The following CCSER1 variants were observed in gnomAD, a reference collection of about 807,000 sequenced individuals.
CCSER1 encodes coiled-coil serine rich protein 1.
A neutral mutation model predicts 82.0 loss-of-function variants in CCSER1; 41 were observed. The observed-to-expected ratio is 0.50, with a 90% CI of 0.39 to 0.65. The LOEUF (loss-of-function observed/expected upper bound fraction) is 0.65. CCSER1 is among the 30% of genes least tolerant of loss of function. The pLI, the probability that CCSER1 is intolerant of heterozygous loss-of-function variation, is 0.00. For synonymous variants in CCSER1, 414 were observed against 383.9 expected, an observed-to-expected ratio of 1.08 and a Z score of -0.92; for missense variants, 1,119 against 1,064.2, an observed-to-expected ratio of 1.05 and a Z score of -0.72.
At chr4:91,482,604 A>G (rs1331557628) in intron 10 of CCSER1, among the ~76,000 whole-genome samples, 1 of 151,986 alleles carries the variant, frequency 6.6e-6, no homozygotes, top group African/African-American at 2.4e-5. Flanking sequence ...GTATATACCC[A>G]AAGGATTATA....
chr4:90,955,151 G>T (rs776547453), intron 9 of CCSER1, among the ~76,000 whole-genome samples: 3 of 152,142 alleles, frequency 2.0e-5, no homozygotes, highest in Non-Finnish European at 4.4e-5. Context: ...ACTCAAGGAA[G>T]GCAGATTTTA....
intron 9 of CCSER1, among the ~76,000 whole-genome samples, chr4:90,973,544 C>A (rs1465480590): frequency 1.3e-5 from 2 of 151,582 alleles, no homozygotes; most frequent in African/African-American, 4.8e-5. Flanking sequence ...GAAAAAGCAA[C>A]CCTTGTACAG....
intron 10 of CCSER1, among the ~76,000 whole-genome samples, chr4:91,359,381 C>T (rs1749096248): frequency 4.6e-5 from 7 of 151,764 alleles, no homozygotes; most frequent in South Asian, 2.1e-4. Flanking sequence ...TTCCTTAAAA[C>T]AGGTACTGAG....
chr4:91,506,956 T>A (rs1453471164), intron 10 of CCSER1, among the ~76,000 whole-genome samples: 1 of 152,194 alleles, frequency 6.6e-6, no homozygotes, highest in African/African-American at 2.4e-5. Context: ...TATTGTAGCA[T>A]GTATCAATGC....
intron 5 of CCSER1, among the ~76,000 whole-genome samples, chr4:90,505,320 G>C (rs561913361): frequency 2.6e-5 from 4 of 152,148 alleles, no homozygotes; most frequent in Non-Finnish European, 4.4e-5. Context: ...GAAGCCTTAC[G>C]GCCACTTCCC....
intron 1 of CCSER1, among the ~76,000 whole-genome samples, chr4:90,177,576 A>G (rs950039846): frequency 3.3e-5 from 5 of 151,794 alleles, no homozygotes; most frequent in Non-Finnish European, 7.4e-5. Flanking sequence ...CCATTTTATA[A>G]TTTTTCTTAT....
At chr4:90,721,657 G>A (rs1032787672) in intron 6 of CCSER1, among the ~76,000 whole-genome samples, 4 of 151,654 alleles carry the variant, frequency 2.6e-5, no homozygotes, top group Admixed American at 6.6e-5. Context: ...TTGAATGAAA[G>A]AGTAAATGGA....
intron 5 of CCSER1, among the ~76,000 whole-genome samples, chr4:90,528,724 A>G (rs1354459224): frequency 6.6e-6 from 1 of 152,212 alleles, no homozygotes; most frequent in Non-Finnish European, 1.5e-5. Flanking sequence ...AGTAAATTTG[A>G]TTAAAATTTT....
At chr4:91,461,488 A>G (rs893456176) in intron 10 of CCSER1, among the ~76,000 whole-genome samples, 3 of 152,200 alleles carry the variant, frequency 2.0e-5, no homozygotes, top group Non-Finnish European at 2.9e-5. Flanking sequence ...AGAAAAAAAA[A>G]GTATAGTTGT....
intron 3 of CCSER1, among the ~76,000 whole-genome samples, chr4:90,334,685 C>T (rs1181889260): frequency 6.6e-6 from 1 of 151,972 alleles, no homozygotes; most frequent in Non-Finnish European, 1.5e-5. Flanking sequence ...GAATAGTTAC[C>T]CAATAATCAT....
rs1051714319 is a variant in CCSER1, at chr4:90,337,918, A to G, written c.1509+24871A>G. The stretch of plus-strand genomic sequence containing the variant: ...CTGGGATTTTCTCTTTCTTCATTCA[A>G]TCTGGTGCAATATGTTGTTTTGTGA... On this transcript the variant is annotated intron_variant, in intron 3 of 10. Transcript: ENST00000509176. Among the ~76,000 whole-genome samples, 11 of 152,296 alleles carry G rather than the reference A, an allele frequency of 7.2e-5. No homozygotes were observed. In the South Asian group the frequency reaches 1.2e-3, roughly 17 times the overall value.
intron 10 of CCSER1, among the ~76,000 whole-genome samples, chr4:91,510,493 G>A (rs1490165444): frequency 6.6e-6 from 1 of 152,122 alleles, no homozygotes; most frequent in East Asian, 1.9e-4. Context: ...ACCAACAGCT[G>A]TTATTTTTTG....
At chr4:90,459,762 TG>T (rs2153582769) in intron 4 of CCSER1, among the ~76,000 whole-genome samples, 1 of 152,362 alleles carries the variant, frequency 6.6e-6, no homozygotes, top group East Asian at 1.9e-4. Context: ...ATTCATAATT[TG>T]TTTTACTTTA....
chr4:90,994,368 A>T (rs1372743283), intron 9 of CCSER1, among the ~76,000 whole-genome samples: 2 of 152,164 alleles, frequency 1.3e-5, no homozygotes, highest in Admixed American at 1.3e-4. Flanking sequence ...ATAATAAAAT[A>T]TTGGATGTCT....
At chr4:91,235,490 A>G (rs1237623139) in intron 10 of CCSER1, among the ~76,000 whole-genome samples, 1 of 152,190 alleles carries the variant, frequency 6.6e-6, no homozygotes, top group Non-Finnish European at 1.5e-5. Context: ...TTTTTATAAA[A>G]TTGTGGACAA....
At chr4:91,184,611 T>C (rs1481430551) in intron 10 of CCSER1, among the ~76,000 whole-genome samples, 1 of 152,210 alleles carries the variant, frequency 6.6e-6, no homozygotes, top group Non-Finnish European at 1.5e-5. Flanking sequence ...AAGCCTCCAG[T>C]TTCTCTTTAC....
At chr4:90,965,141 C>T (rs563376639) in intron 9 of CCSER1, among the ~76,000 whole-genome samples, 14 of 152,228 alleles carry the variant, frequency 9.2e-5, no homozygotes, top group Non-Finnish European at 1.5e-4. Flanking sequence ...AAGCCCTATC[C>T]TATCCACAGG....
chr4:91,261,615 G>A (rs1741137266), intron 10 of CCSER1, among the ~76,000 whole-genome samples: 1 of 152,062 alleles, frequency 6.6e-6, no homozygotes, highest in African/African-American at 2.4e-5. Flanking sequence ...TGTAACTTTT[G>A]TGAATATTAA....
At chr4:90,808,405 C>G (rs941876304) in intron 7 of CCSER1, among the ~76,000 whole-genome samples, 2 of 152,028 alleles carry the variant, frequency 1.3e-5, no homozygotes, top group Non-Finnish European at 2.9e-5. Context: ...CCTAATTAAA[C>G]TTAAAAGCTT....
Sources: allele counts gnomAD v4.1 joint callset (sites outside exome capture counted in the v4.1 genomes callset), GRCh38; gene constraint gnomAD v4.1.1; transcripts MANE v1.5; gene names NCBI Gene and HGNC (gene_info 2026-07-23, HGNC 2026-07-21).